The following TMEM47 variants were observed in gnomAD, a reference collection of about 807,000 sequenced individuals.
TMEM47 encodes brain cell membrane protein 1.
TMEM47 carries 3 observed loss-of-function variants against 12.4 expected under a neutral mutation model. The observed-to-expected ratio is 0.24, with a 90% CI of 0.11 to 0.63. The LOEUF is 0.63. Among genes scored for constraint, TMEM47 ranks in the 20% least tolerant of loss-of-function variants. The pLI is 0.86. For synonymous variants in TMEM47, 62 were observed against 63.3 expected (o/e 0.98, Z 0.10); for missense variants, 89 against 143.8 (o/e 0.62, Z 1.95).
At position 34,630,362 on chromosome X, in the gene TMEM47, C is replaced by G. The variant is rs773875631; in HGVS notation, c.497G>C (p.Gly166Ala). The G allele has an allele frequency of 5.8e-6, 7 of 1,209,868 alleles. No individual in the cohort carries two copies. The highest frequency in any genetic ancestry group is 7.8e-6 in the Non-Finnish European group (7 of 894,596). The change falls in exon 3 of 3, where the codon GGT becomes GCT. Residue 166 changes from glycine (G) to alanine (A), a missense_variant. Coordinates refer to ENST00000275954, the MANE Select transcript of TMEM47 (RefSeq NM_031442.4). ...AGGGTTCAGGCAATAAAGGATGGCA[C>G]CCCCAAACGAAAATATAGTTGCACC... is the stretch of plus-strand genomic sequence containing the variant. ...AWGATIFSFG[G>A]AILYCLNPKN...
Position 34,639,245 on chromosome X carries a change from A to G in TMEM47, c.367+2T>C. 1 of 1,183,902 alleles carries G rather than the reference A, an allele frequency of 8.4e-7. No homozygotes were observed. The highest frequency in any genetic ancestry group is 1.1e-6 in the Non-Finnish European group (1 of 881,013). ...TCATTTGAAAGTAATGAATCTGTTT[A>G]CCTGCTGCAAAAAGCATGACCGCAA... is the stretch of plus-strand genomic sequence containing the variant. On this transcript the variant is annotated splice_donor_variant, in intron 2 of 2. Coordinates refer to ENST00000275954, the MANE Select transcript of TMEM47 (RefSeq NM_031442.4). LOFTEE classifies it high-confidence loss of function.
At position 34,630,222 on chromosome X, in the gene TMEM47, A is replaced by C; in HGVS notation, c.*91T>G. 1.1e-6 allele frequency: 1 copy of C among 941,790 alleles called. No homozygotes were observed. Among genetic ancestry groups the C allele is most frequent in the Non-Finnish European group, 1.4e-6 (1 of 697,859 alleles). 77.6% of individuals were successfully genotyped at this position (941,790 alleles called of 1,213,427 possible). On this transcript the variant is annotated 3_prime_UTR_variant, in exon 3 of 3. Transcript: ENST00000275954. ...CTGAGCAAACTGCTTGATGCTCCAC[A>C]AGTGTTTTAGAAAATAGTAAGTTAG...
At chrX:34,649,875 G>A (rs958374660) in intron 1 of TMEM47, among the ~76,000 whole-genome samples, 3 of 110,512 alleles carry the variant, frequency 2.7e-5, no homozygotes, top group African/African-American at 6.6e-5. Context: ...ACAGGAGCCC[G>A]CAACCACGTC....
rs1245419271 is a variant in TMEM47 at position 34,627,198 on chromosome X, G to A, written c.*3115C>T. ...TCAAAATCACTGGAGTGATAAACAGGTTTTCCCCCAGATGACTTAAAAAAA... is the reference window on the plus strand; with the variant it reads ...TCAAAATCACTGGAGTGATAAACAGATTTTCCCCCAGATGACTTAAAAAAA... On this transcript the variant is annotated 3_prime_UTR_variant, in exon 3 of 3. Transcript: ENST00000275954. The A allele has an allele frequency of 9.0e-6, 1 of 111,409 alleles. No homozygotes were observed. Among genetic ancestry groups the A allele is most frequent in the African/African-American group, 3.3e-5 (1 of 30,552 alleles). 9.2% of individuals were successfully genotyped at this position (111,409 alleles called of 1,213,427 possible). A position where few individuals can be genotyped will look rare whatever the true frequency, so the allele number is the denominator to read the frequency against.
intron 2 of TMEM47, among the ~76,000 whole-genome samples, chrX:34,635,765 G>A (rs1234526746): frequency 9.0e-6 from 1 of 111,495 alleles, no homozygotes; most frequent in Non-Finnish European, 1.9e-5. Context: ...CCAAATTTGG[G>A]GAATGAGACG....
intron 1 of TMEM47, among the ~76,000 whole-genome samples, chrX:34,655,347 T>C (rs962859195): frequency 9.0e-6 from 1 of 111,445 alleles, no homozygotes; most frequent in African/African-American, 3.3e-5. Context: ...TTGGATCCCC[T>C]GGTTACCGAA....
chrX:34,649,372 A>G (rs1171987644), intron 1 of TMEM47, among the ~76,000 whole-genome samples: 1 of 111,901 alleles, frequency 8.9e-6, no homozygotes, highest in Non-Finnish European at 1.9e-5. Flanking sequence ...GCAGCCAGAA[A>G]AAAAACCGAG....
At chrX:34,655,344 C>G (rs1044373805) in intron 1 of TMEM47, among the ~76,000 whole-genome samples, 2 of 110,859 alleles carry the variant, frequency 1.8e-5, no homozygotes, top group African/African-American at 6.6e-5. Context: ...TATTTGGATC[C>G]CCTGGTTACC....
intron 1 of TMEM47, among the ~76,000 whole-genome samples, chrX:34,644,850 C>T (rs970565224): frequency 2.7e-5 from 3 of 111,707 alleles, no homozygotes; most frequent in African/African-American, 9.7e-5. Context: ...TTAAATCACA[C>T]TCACATTTGT....
Position 34,629,634 on chromosome X carries a change from T to C in TMEM47, c.*679A>G, listed in dbSNP as rs1326314057. Reference sequence around the variant, plus strand: ...AGGAAAAACAGAGATCCTCAATTTTTCCCCAGTCTAGATAGGGCTGAGGCA... The same window carrying C: ...AGGAAAAACAGAGATCCTCAATTTTCCCCCAGTCTAGATAGGGCTGAGGCA... On this transcript the variant is annotated 3_prime_UTR_variant, in exon 3 of 3. Coordinates refer to ENST00000275954, the MANE Select transcript of TMEM47 (RefSeq NM_031442.4). The C allele has an allele frequency of 1.8e-5, 2 of 111,383 alleles. No individual in the cohort carries two copies. Among genetic ancestry groups the C allele is most frequent in the Non-Finnish European group, 3.8e-5 (2 of 53,116 alleles). The allele number at this position is 111,383 out of a possible 1,213,427, so 9.2% of individuals were successfully genotyped here. A position where few individuals can be genotyped will look rare whatever the true frequency, so the allele number is the denominator to read the frequency against.
intron 1 of TMEM47, among the ~76,000 whole-genome samples, chrX:34,655,538 A>G (rs1283733447): frequency 8.9e-6 from 1 of 111,885 alleles, no homozygotes. Context: ...CCTTTTTTAA[A>G]CACAAAATTA....
chrX:34,642,014 G>A (rs994072862), intron 1 of TMEM47, among the ~76,000 whole-genome samples: 2 of 112,109 alleles, frequency 1.8e-5, no homozygotes, highest in Non-Finnish European at 3.8e-5. Context: ...GTGCCACCAC[G>A]CCCAGTTAAT....
intron 2 of TMEM47, among the ~76,000 whole-genome samples, chrX:34,637,645 C>T (rs1354812346): frequency 9.0e-6 from 1 of 110,694 alleles, no homozygotes; most frequent in South Asian, 3.9e-4. Context: ...TGTTTACATG[C>T]CTGTTTTACC....
intron 1 of TMEM47, among the ~76,000 whole-genome samples, chrX:34,654,911 A>G (rs760680918): frequency 1.8e-5 from 2 of 111,873 alleles, no homozygotes; most frequent in South Asian, 3.7e-4. Flanking sequence ...ACAGGGAAAA[A>G]TCCCAAACTG....
Position 34,656,787 on chromosome X carries a change from G to A in TMEM47, c.226+17C>T. 4.3e-6 allele frequency: 5 copies of A among 1,161,048 alleles called. No homozygotes were observed. Among genetic ancestry groups the A allele is most frequent in the Non-Finnish European group, 5.7e-6 (5 of 870,346 alleles). On this transcript the variant is annotated intron_variant, in intron 1 of 2. Coordinates refer to ENST00000275954, the MANE Select transcript of TMEM47 (RefSeq NM_031442.4). ...TCCGGGGCGGGAGGCAGGGGTCGCG[G>A]CGCGCCAGGCCCTCACCGCTGCTGA...
At chrX:34,633,837 C>T (rs960061153) in intron 2 of TMEM47, among the ~76,000 whole-genome samples, 2 of 111,454 alleles carry the variant, frequency 1.8e-5, no homozygotes, top group African/African-American at 6.5e-5. Context: ...CATACTCTCC[C>T]GAACAACTTT....
chrX:34,637,043 T>C (rs1250333808), intron 2 of TMEM47, among the ~76,000 whole-genome samples: 5 of 112,228 alleles, frequency 4.5e-5, no homozygotes, highest in Non-Finnish European at 9.4e-5. Context: ...TCTTCATTGA[T>C]AATACGGAGA....
chrX:34,634,115 T>C (rs971894740), intron 2 of TMEM47, among the ~76,000 whole-genome samples: 1 of 111,152 alleles, frequency 9.0e-6, no homozygotes, highest in African/African-American at 3.3e-5. Context: ...GCCATTATAC[T>C]ATATTTCTAT....
chrX:34,653,908 C>A (rs1338125904), intron 1 of TMEM47, among the ~76,000 whole-genome samples: 1 of 110,375 alleles, frequency 9.1e-6, no homozygotes, highest in Non-Finnish European at 1.9e-5. Flanking sequence ...TAGCCGCTTT[C>A]TCATATGTCT....
Sources: allele counts gnomAD v4.1 joint callset (sites outside exome capture counted in the v4.1 genomes callset), GRCh38; gene constraint gnomAD v4.1.1; transcripts MANE v1.5; gene names NCBI Gene and HGNC (gene_info 2026-07-23, HGNC 2026-07-21).